TNFRSF19: variants seen among roughly 807,000 people sequenced by gnomAD.
TNFRSF19 encodes TNF receptor superfamily member 19.
TNFRSF19 carries 27 observed loss-of-function variants against 46.4 expected under a neutral mutation model. That is an observed-to-expected ratio of 0.58 (90% CI 0.43 to 0.80). The LOEUF (loss-of-function observed/expected upper bound fraction) is 0.80. Among genes scored for constraint, TNFRSF19 ranks in the 30% least tolerant of loss-of-function variants. The pLI, the probability that TNFRSF19 is intolerant of heterozygous loss-of-function variation, is 0.00. For missense variants in TNFRSF19, 511 were observed against 530.8 expected, an observed-to-expected ratio of 0.96 and a Z score of 0.37; for synonymous variants, 204 against 205.0, an observed-to-expected ratio of 1.00 and a Z score of 0.04.
At chr13:23,587,052 G>T (rs1878895447) in intron 1 of TNFRSF19, among the ~76,000 whole-genome samples, 1 of 152,060 alleles carries the variant, frequency 6.6e-6, no homozygotes, top group South Asian at 2.1e-4. Flanking sequence ...CCAGCATCCA[G>T]ACCCATGGTA....
intron 4 of TNFRSF19, among the ~76,000 whole-genome samples, chr13:23,619,076 A>G: frequency 6.6e-6 from 1 of 152,208 alleles, no homozygotes; most frequent in South Asian, 2.1e-4. Context: ...TTTATAAATT[A>G]CCCAGTCTGT....
At chr13:23,644,461 T>C (rs1176101601) in intron 5 of TNFRSF19, among the ~76,000 whole-genome samples, 5 of 152,170 alleles carry the variant, frequency 3.3e-5, no homozygotes, top group African/African-American at 9.7e-5. Flanking sequence ...TGAAGAAGGA[T>C]GTGTTTGCTT....
chr13:23,593,306 A>T (rs1453462782), intron 2 of TNFRSF19, 39 bp from the exon 3 acceptor site: 20 of 1,299,946 alleles, frequency 1.5e-5, no homozygotes, highest in Non-Finnish European at 2.1e-5. Flanking sequence ...AATGTTTAAC[A>T]TACTTTAAGA....
Position 23,616,012 on chromosome 13 carries a change from C to T in TNFRSF19, c.326C>T (p.Thr109Ile). The change falls in exon 4 of 10, where the codon ACC becomes ATC. Residue 109 changes from threonine to isoleucine, a missense_variant. By Grantham distance (89) the Thr-to-Ile change is moderately conservative. Coordinates refer to ENST00000248484, the MANE Select transcript of TNFRSF19 (RefSeq NM_148957.4). The part of the protein sequence containing the change: ...NRFQKANCSA[T>I]SDAICGDCLP... ...TTTCAGAAGGCAAATTGTTCAGCCA[C>T]CAGTGATGCCATCTGCGGGGACTGC... 1 of 1,610,766 alleles carries T rather than the reference C, an allele frequency of 6.2e-7. No homozygotes were observed. The highest frequency in any genetic ancestry group is 1.1e-5 in the South Asian group (1 of 90,886).
intron 5 of TNFRSF19, among the ~76,000 whole-genome samples, chr13:23,638,735 A>C (rs1191647434): frequency 6.6e-6 from 1 of 151,962 alleles, no homozygotes; most frequent in Non-Finnish European, 1.5e-5. Context: ...GATCCCTCTT[A>C]CTGCCTTAGT....
At chr13:23,578,112 G>A (rs1344312242) in intron 1 of TNFRSF19, among the ~76,000 whole-genome samples, 1 of 152,184 alleles carries the variant, frequency 6.6e-6, no homozygotes, top group East Asian at 1.9e-4. Context: ...ATGCCCTCGG[G>A]AGATCCAGGT....
chr13:23,629,499 A>G lies in TNFRSF19; in HGVS notation c.445+2707A>G, dbSNP rs374485680. ...CTATCTGTGGCTGGTGACCTGAGCC[A>G]GCACTCCCCTCCCCAAGGGCTAGGT... On this transcript the variant is annotated intron_variant, in intron 5 of 9. Coordinates refer to ENST00000248484, the MANE Select transcript of TNFRSF19 (RefSeq NM_148957.4). 3.4e-3 allele frequency among the ~76,000 whole-genome samples: 512 copies of G among 152,288 alleles called. 6 individuals carry two copies. The highest frequency in any genetic ancestry group is 0.011 in the African/African-American group (477 of 41,560).
chr13:23,651,893 T>TAAGAAA (rs1883671570), intron 5 of TNFRSF19, among the ~76,000 whole-genome samples: 1 of 9,966 alleles, frequency 1.0e-4, no homozygotes, highest in Non-Finnish European at 1.8e-4. Context: ...CATAACATGC[T>TAAGAAA]AAAAAAAAAA....
intron 3 of TNFRSF19, among the ~76,000 whole-genome samples, chr13:23,598,676 T>C (rs1220630197): frequency 2.0e-5 from 3 of 152,206 alleles, no homozygotes; most frequent in African/African-American, 7.2e-5. Context: ...TGTGTTAGTG[T>C]GTGTTATATC....
intron 2 of TNFRSF19, 54 bp from the exon 3 acceptor site, chr13:23,593,291 A>G (rs986718664): frequency 9.6e-6 from 11 of 1,144,604 alleles, no homozygotes; most frequent in Non-Finnish European, 1.4e-5. Context: ...TTTCTTGCAA[A>G]AAAAAATGTT....
chr13:23,646,135 G>A lies in TNFRSF19; in HGVS notation c.446-12915G>A, dbSNP rs139854068. ...TCACCATCAATATCTGGGCCAGTGCGGCACCCCCCGGCCTGCCCTTTCTCT... is the reference window on the plus strand; with the variant it reads ...TCACCATCAATATCTGGGCCAGTGCAGCACCCCCCGGCCTGCCCTTTCTCT... On this transcript the variant is annotated intron_variant, in intron 5 of 9. Coordinates refer to ENST00000248484, the MANE Select transcript of TNFRSF19 (RefSeq NM_148957.4). 5.7e-3 allele frequency among the ~76,000 whole-genome samples: 862 copies of A among 152,134 alleles called. 9 individuals are homozygous for A. Among genetic ancestry groups the A allele is most frequent in the African/African-American group, 0.019 (780 of 41,502 alleles).
chr13:23,622,042 G>A (rs1171313129), intron 4 of TNFRSF19, among the ~76,000 whole-genome samples: 2 of 152,132 alleles, frequency 1.3e-5, no homozygotes, highest in Non-Finnish European at 2.9e-5. Flanking sequence ...TTCATGCGTA[G>A]TAGTCACACG....
chr13:23,673,438 G>C lies in TNFRSF19; in HGVS notation c.*58G>C. ...GCTGGAACCCAAAGAGTACTCCTTT[G>C]TTAGGCTTATGGACTGAGCAGTCTG... is the stretch of plus-strand genomic sequence containing the variant. On this transcript the variant is annotated 3_prime_UTR_variant, in exon 10 of 10. Coordinates refer to ENST00000248484, the MANE Select transcript of TNFRSF19 (RefSeq NM_148957.4). 2 of 1,584,984 alleles carry C rather than the reference G, an allele frequency of 1.3e-6. No individual in the cohort carries two copies.
intron 3 of TNFRSF19, among the ~76,000 whole-genome samples, chr13:23,597,880 A>G (rs1287064071): frequency 6.6e-6 from 1 of 152,250 alleles, no homozygotes; most frequent in Admixed American, 6.5e-5. Flanking sequence ...CCAGCAGCAC[A>G]TCAAAAAGCT....
At position 23,668,977 on chromosome 13, in the gene TNFRSF19, A is replaced by T; in HGVS notation, c.1125A>T (p.Leu375Phe). ...AAAACTTTACAGCAGCTACTGATTT[A>T]TCTAGATATAACAACACACTGGTAG... Reference protein sequence around the residue: ...HSENFTAATDLSRYNNTLVES... With the variant: ...HSENFTAATDFSRYNNTLVES... The change falls in exon 9 of 10, where the codon TTA becomes TTT. Residue 375 changes from leucine (L) to phenylalanine (F), a missense_variant. By Grantham distance (22) the Leu-to-Phe change is conservative. Coordinates refer to ENST00000248484, the MANE Select transcript of TNFRSF19 (RefSeq NM_148957.4). The T allele has an allele frequency of 6.2e-7, 1 of 1,614,238 alleles. No homozygotes were observed. The highest frequency in any genetic ancestry group is 1.3e-5 in the African/African-American group (1 of 75,066).
chr13:23,643,805 CA>C (rs1341027262), intron 5 of TNFRSF19, among the ~76,000 whole-genome samples: 1 of 152,204 alleles, frequency 6.6e-6, no homozygotes, highest in Non-Finnish European at 1.5e-5. Context: ...CACAATGCCC[CA>C]GTTGAGATCC....
chr13:23,615,648 G>A (rs780546485), intron 3 of TNFRSF19, among the ~76,000 whole-genome samples: 5 of 152,128 alleles, frequency 3.3e-5, no homozygotes, highest in Admixed American at 2.0e-4. Context: ...TCATGCTCAC[G>A]GCTTCTTGAA....
chr13:23,595,674 G>C (rs1422796732), intron 3 of TNFRSF19, among the ~76,000 whole-genome samples: 6 of 152,116 alleles, frequency 3.9e-5, no homozygotes, highest in Non-Finnish European at 2.9e-5. Context: ...GAACCAAGTT[G>C]GAAAACACTC....
At chr13:23,583,622 T>C (rs1190699827) in intron 1 of TNFRSF19, among the ~76,000 whole-genome samples, 2 of 152,182 alleles carry the variant, frequency 1.3e-5, no homozygotes, top group South Asian at 2.1e-4. Context: ...CTGAGTGTTA[T>C]TTAGCAGCTC....
Sources: allele counts gnomAD v4.1 joint callset (sites outside exome capture counted in the v4.1 genomes callset), GRCh38; gene constraint gnomAD v4.1.1; transcripts MANE v1.5; gene names NCBI Gene and HGNC (gene_info 2026-07-23, HGNC 2026-07-21).